ART3: variants seen among roughly 807,000 people sequenced by gnomAD.
ART3 encodes ecto-ADP-ribosyltransferase 3.
ART3 carries 49 observed loss-of-function variants against 48.5 expected under a neutral mutation model. That is an observed-to-expected ratio of 1.01 (90% CI 0.80 to 1.28). ART3 has a LOEUF of 1.28. ART3 is among the 50% of genes most tolerant of loss of function. The pLI, the probability that ART3 is intolerant of heterozygous loss-of-function variation, is 0.00. For synonymous variants in ART3, 145 were observed against 157.2 expected, an observed-to-expected ratio of 0.92 and a Z score of 0.58; for missense variants, 438 against 454.3, an observed-to-expected ratio of 0.96 and a Z score of 0.33.
At chr4:76,041,846 A>G (rs901197104) in intron 1 of ART3, among the ~76,000 whole-genome samples, 2 of 152,342 alleles carry the variant, frequency 1.3e-5, no homozygotes, top group Admixed American at 6.5e-5. Flanking sequence ...AGGCAGATAG[A>G]TAACTGTCAA....
At chr4:76,019,395 AC>A (rs1365635809) in intron 1 of ART3, among the ~76,000 whole-genome samples, 2 of 149,398 alleles carry the variant, frequency 1.3e-5, no homozygotes, top group Admixed American at 1.3e-4. Context: ...AAATTATACT[AC>A]AACAGATTTT....
chr4:76,036,479 T>G (rs1228516540), intron 1 of ART3, among the ~76,000 whole-genome samples: 1 of 152,122 alleles, frequency 6.6e-6, no homozygotes, highest in Non-Finnish European at 1.5e-5. Flanking sequence ...TGCTTTTCAG[T>G]CCAAACTCTT....
chr4:76,041,243 C>T (rs1734945988), intron 1 of ART3: 1 of 152,208 alleles, frequency 6.6e-6, no homozygotes, highest in Non-Finnish European at 1.5e-5. Context: ...TGTTCTGGCT[C>T]TATACTCTCT....
chr4:76,054,656 A>AC (rs11349732), intron 1 of ART3, among the ~76,000 whole-genome samples: 1 of 151,752 alleles, frequency 6.6e-6, no homozygotes. Flanking sequence ...ACATAGTGAG[A>AC]CCCCCATCTC....
intron 10 of ART3, 40 bp from the exon 11 acceptor site, chr4:76,107,721 A>C (rs369087933): frequency 7.7e-7 from 1 of 1,290,616 alleles, no homozygotes; most frequent in Non-Finnish European, 1.1e-6. Context: ...GGATAAACAG[A>C]TATACAATAT....
chr4:76,112,366 CTG>C lies in ART3; in HGVS notation c.1037-16_1037-15del, dbSNP rs529112977. ...GACATAAAAAATGATGTGTCAGTGA[CTG>C]TGTATTCTTGTTAACAGCTCCAGGT... is the stretch of plus-strand genomic sequence containing the variant. On this transcript the variant is annotated intron_variant, in intron 11 of 11. Coordinates refer to ENST00000355810, the MANE Select transcript of ART3 (RefSeq NM_001130016.3). The C allele has an allele frequency of 1.0e-4, 164 of 1,607,340 alleles. No individual in the cohort carries two copies. In the African/African-American group the frequency reaches 1.9e-3, roughly 19 times the overall value.
At chr4:76,027,132 A>G (rs981074191) in intron 1 of ART3, among the ~76,000 whole-genome samples, 1 of 152,168 alleles carries the variant, frequency 6.6e-6, no homozygotes, top group Non-Finnish European at 1.5e-5. Context: ...GGGCGACTGT[A>G]ATCCCAGCTA....
chr4:76,014,758 C>G (rs976382375), intron 1 of ART3, among the ~76,000 whole-genome samples: 6 of 152,122 alleles, frequency 3.9e-5, no homozygotes, highest in African/African-American at 9.7e-5. Flanking sequence ...ACCTAATAGT[C>G]AAACTGCTAA....
intron 10 of ART3, 87 bp from the exon 11 acceptor site, chr4:76,107,674 C>A: frequency 1.1e-6 from 1 of 930,480 alleles, no homozygotes; most frequent in East Asian, 2.8e-5. Context: ...CAGAGATAAC[C>A]AAGTTTGCTT....
chr4:76,076,984 T>C (rs989125707), intron 2 of ART3, among the ~76,000 whole-genome samples: 1 of 152,220 alleles, frequency 6.6e-6, no homozygotes, highest in Non-Finnish European at 1.5e-5. Flanking sequence ...TATAGAATCA[T>C]TGTGTATCCT....
At chr4:76,052,650 A>ATG (rs1736225779) in intron 1 of ART3, among the ~76,000 whole-genome samples, 1 of 151,064 alleles carries the variant, frequency 6.6e-6, no homozygotes, top group South Asian at 2.1e-4. Context: ...CTCTATGTCT[A>ATG]TGTGTACACA....
chr4:76,046,215 G>A (rs1025517864), intron 1 of ART3, among the ~76,000 whole-genome samples: 5 of 152,020 alleles, frequency 3.3e-5, no homozygotes, highest in African/African-American at 9.7e-5. Flanking sequence ...TGGTCTGTGG[G>A]ATCCTCAAAA....
At chr4:76,042,172 T>G (rs952177648) in intron 1 of ART3, among the ~76,000 whole-genome samples, 8 of 152,240 alleles carry the variant, frequency 5.3e-5, no homozygotes, top group African/African-American at 1.9e-4. Context: ...TTAATGCTGC[T>G]AAGTTAGCCA....
chr4:76,049,453 C>T lies in ART3; in HGVS notation c.-9-26428C>T, dbSNP rs373345848. The stretch of plus-strand genomic sequence containing the variant: ...GGAGCTGCATGGCTTTCCTCTCTGT[C>T]GACCCTCGGCTCAGCCCAGAAGTAC... On this transcript the variant is annotated intron_variant, in intron 1 of 9. Transcript: ENST00000341029. 2.0e-4 allele frequency among the ~76,000 whole-genome samples: 31 copies of T among 151,828 alleles called. 1 individual carries two copies. The highest frequency in any genetic ancestry group is 3.9e-4 in the East Asian group (2 of 5,160).
intron 1 of ART3, among the ~76,000 whole-genome samples, chr4:76,016,644 T>C (rs923245920): frequency 6.6e-6 from 1 of 152,330 alleles, no homozygotes; most frequent in Non-Finnish European, 1.5e-5. Context: ...GCCAGGCTTA[T>C]ATCCTTCCCT....
intron 1 of ART3, among the ~76,000 whole-genome samples, chr4:76,037,375 A>T (rs967251436): frequency 6.6e-6 from 1 of 152,140 alleles, no homozygotes; most frequent in Non-Finnish European, 1.5e-5. Context: ...TATAACTGGT[A>T]ATCTGTAATT....
At chr4:76,086,066 C>A (rs529099381) in intron 3 of ART3, among the ~76,000 whole-genome samples, 68 of 151,758 alleles carry the variant, frequency 4.5e-4, no homozygotes, top group African/African-American at 1.6e-3. Flanking sequence ...GAGTCCCCCC[C>A]CCCGCTCCCT....
intron 1 of ART3, among the ~76,000 whole-genome samples, chr4:76,063,800 A>G (rs1327001161): frequency 6.6e-6 from 1 of 152,224 alleles, no homozygotes; most frequent in Non-Finnish European, 1.5e-5. Flanking sequence ...TTGAATTTAT[A>G]CAAATCTTTT....
At position 76,112,398 on chromosome 4, in the gene ART3, T is replaced by C. The variant is rs563799075; in HGVS notation, c.1049T>C (p.Val350Ala). 16 of 1,613,956 alleles carry C rather than the reference T, an allele frequency of 9.9e-6. No individual in the cohort carries two copies. In the African/African-American group the frequency reaches 2.1e-4, roughly 22 times the overall value. Residue 350 changes from valine (V) to alanine (A), a missense_variant, in exon 12 of 12, where the codon GTT becomes GCT. Physicochemically the swap from Val to Ala is moderately conservative, Grantham distance 64 (BLOSUM62 0). Transcript: ENST00000355810. ...TTCTTGTTAACAGCTCCAGGTCCAG[T>C]TCCTGTTCCAGGTCCCAAAAGCCAT... ...GNINNPTPGP[V>A]PVPGPKSHPS...
Sources: allele counts gnomAD v4.1 joint callset (sites outside exome capture counted in the v4.1 genomes callset), GRCh38; gene constraint gnomAD v4.1.1; transcripts MANE v1.5; gene names NCBI Gene and HGNC (gene_info 2026-07-23, HGNC 2026-07-21).